The following ANO1 variants were observed in gnomAD, a reference collection of about 807,000 sequenced individuals.
The protein encoded by ANO1 is anoctamin-1.
A neutral mutation model predicts 124.0 loss-of-function variants in ANO1; 59 were observed. The observed-to-expected ratio is 0.48, with a 90% CI of 0.39 to 0.59. ANO1 has a LOEUF of 0.59. Ranked by LOEUF, ANO1 falls within the 20% of genes least tolerant of loss-of-function variation. The pLI is 0.00. For missense variants in ANO1, 1,059 were observed against 1,328.0 expected (o/e 0.80, Z 3.15); for synonymous variants, 529 against 532.0 (o/e 0.99, Z 0.08).
intron 1 of ANO1, among the ~76,000 whole-genome samples, chr11:70,046,439 C>G (rs1412617208): frequency 6.6e-6 from 1 of 152,094 alleles, no homozygotes; most frequent in East Asian, 1.9e-4. Context: ...CAAAACCTAC[C>G]AGGGCAAAAG....
At chr11:70,187,228 C>T (rs569118180) in intron 25 of ANO1, among the ~76,000 whole-genome samples, 83 of 152,362 alleles carry the variant, frequency 5.4e-4, no homozygotes, top group Admixed American at 1.3e-3. Context: ...CTCACACGTG[C>T]TTGCTGGACA....
chr11:70,071,091 G>T lies in ANO1; in HGVS notation c.59-7451G>T, dbSNP rs984595827. Among the ~76,000 whole-genome samples, 20 of 152,252 alleles carry T rather than the reference G, an allele frequency of 1.3e-4. No individual in the cohort carries two copies. In the South Asian group the frequency reaches 3.5e-3, roughly 27 times the overall value. ...ATCTCTTTCTGGTGTGAAATAGGGCGCTCTCTTGGCTTCTTCAGTTGAACA... is the reference window on the plus strand; with the variant it reads ...ATCTCTTTCTGGTGTGAAATAGGGCTCTCTCTTGGCTTCTTCAGTTGAACA... On this transcript the variant is annotated intron_variant, in intron 1 of 27. Transcript: ENST00000531349.
intron 7 of ANO1, 144 bp downstream of exon 7, chr11:70,111,906 C>G (rs1308062002): frequency 2.4e-6 from 2 of 832,766 alleles, no homozygotes; most frequent in African/African-American, 3.4e-5. Context: ...GTACACAGGC[C>G]TTCCCTGTTC....
At chr11:70,049,482 G>T (rs1555006054) in intron 1 of ANO1, among the ~76,000 whole-genome samples, 1 of 152,192 alleles carries the variant, frequency 6.6e-6, no homozygotes, top group African/African-American at 2.4e-5. Context: ...CACATAGCTG[G>T]CATGGAATAA....
chr11:70,176,778 A>C (rs2048718507), intron 22 of ANO1, among the ~76,000 whole-genome samples: 1 of 152,234 alleles, frequency 6.6e-6, no homozygotes, highest in East Asian at 1.9e-4. Flanking sequence ...ACCCCATTCA[A>C]ATGGTTCGGG....
chr11:70,135,671 G>A (rs1217772119), intron 11 of ANO1, among the ~76,000 whole-genome samples: 8 of 152,212 alleles, frequency 5.3e-5, no homozygotes, highest in East Asian at 1.9e-4. Flanking sequence ...AAAGAAGGAC[G>A]TGGTGTTTCA....
At chr11:69,994,670 A>C (rs1450516123) in intron 1 of ANO1, among the ~76,000 whole-genome samples, 1 of 152,218 alleles carries the variant, frequency 6.6e-6, no homozygotes, top group African/African-American at 2.4e-5. Context: ...AGTTCATTTT[A>C]TAACTGGTTT....
chr11:70,156,080 T>TA (rs2047805908), intron 15 of ANO1, 92 bp downstream of exon 15: 20 of 466,072 alleles, frequency 4.3e-5, no homozygotes, highest in Non-Finnish European at 5.0e-5. Flanking sequence ...GTTGTATATA[T>TA]TTTTTTTTAA....
intron 16 of ANO1, among the ~76,000 whole-genome samples, chr11:70,157,711 G>T (rs1377814660): frequency 6.6e-6 from 1 of 152,106 alleles, no homozygotes; most frequent in African/African-American, 2.4e-5. Context: ...CATTAAATGG[G>T]CCGGGTGCAG....
chr11:69,979,368 A>G, the ANO1 span, among the ~76,000 whole-genome samples: 1 of 152,234 alleles, frequency 6.6e-6, no homozygotes, highest in African/African-American at 2.4e-5. Flanking sequence ...GGAGTTGACT[A>G]GAAATCTCTA....
intron 11 of ANO1, among the ~76,000 whole-genome samples, chr11:70,145,423 G>A (rs2047331178): frequency 6.6e-6 from 1 of 152,186 alleles, no homozygotes; most frequent in African/African-American, 2.4e-5. Flanking sequence ...TTTTAAAGGA[G>A]AAGCAGGAAA....
chr11:70,023,602 GC>G (rs782695287), intron 1 of ANO1, among the ~76,000 whole-genome samples: 27 of 152,322 alleles, frequency 1.8e-4, no homozygotes, highest in Non-Finnish European at 2.5e-4. Flanking sequence ...AGGGAAGTTG[GC>G]TTTTGTTCTG....
chr11:70,060,761 C>T (rs1857554626), intron 1 of ANO1, among the ~76,000 whole-genome samples: 1 of 152,246 alleles, frequency 6.6e-6, no homozygotes, highest in Non-Finnish European at 1.5e-5. Flanking sequence ...TCAACTTGTT[C>T]TGATAGAAAG....
rs2045334020 is a variant in ANO1, at chr11:70,102,926, T to C, written c.442-140T>C. On this transcript the variant is annotated intron_variant, in intron 2 of 25. Transcript: ENST00000355303. ...ATTCTAGCTTTGCCTCAAAGTGTTG[T>C]CAACGTGGAATGAGGCCGCGGTAAA... 12 of 629,548 alleles carry C rather than the reference T, an allele frequency of 1.9e-5. No homozygotes were observed. In the South Asian group the frequency reaches 2.4e-4, roughly 13 times the overall value. 39.0% of individuals were successfully genotyped at this position (629,548 alleles called of 1,614,324 possible). A position where few individuals can be genotyped will look rare whatever the true frequency, so the allele number is the denominator to read the frequency against.
At position 70,153,131 on chromosome 11, in the gene ANO1, A is replaced by G. The variant is rs1245839931; in HGVS notation, c.1425+3A>G. 6.2e-6 allele frequency: 10 copies of G among 1,601,146 alleles called. No homozygotes were observed. The highest frequency in any genetic ancestry group is 4.5e-5 in the South Asian group (4 of 88,336). ...AGAAAGAGTCCAGAAACAAAGAGGTATGGTGGCCACTGTGGGTTAACTTTC... is the reference window on the plus strand; with the variant it reads ...AGAAAGAGTCCAGAAACAAAGAGGTGTGGTGGCCACTGTGGGTTAACTTTC... On this transcript the variant is annotated splice_donor_region_variant and intron_variant, in intron 14 of 25. Coordinates refer to ENST00000355303, the MANE Select transcript of ANO1 (RefSeq NM_018043.7).
At chr11:70,181,611 C>T (rs2135835825) in intron 23 of ANO1, among the ~76,000 whole-genome samples, 1 of 152,336 alleles carries the variant, frequency 6.6e-6, no homozygotes, top group East Asian at 1.9e-4. Flanking sequence ...GTGGGCATCT[C>T]CTGAGGACAA....
chr11:70,163,970 A>T (rs1359500731), intron 19 of ANO1, among the ~76,000 whole-genome samples: 1 of 149,032 alleles, frequency 6.7e-6, no homozygotes, highest in African/African-American at 2.5e-5. Flanking sequence ...ATTAATGAGG[A>T]CAAAACAGAA....
intron 1 of ANO1, among the ~76,000 whole-genome samples, chr11:70,010,152 TGTGTGTGTGTGTGCGC>T (rs1856565216): frequency 1.6e-5 from 1 of 63,064 alleles, no homozygotes; most frequent in Non-Finnish European, 3.3e-5. Flanking sequence ...TGTGTGTGTG[TGTGTGTGTGTGTGCGC>T]GTGTGTGTGT....
At chr11:70,004,274 A>T (rs1429280283) in intron 1 of ANO1, among the ~76,000 whole-genome samples, 1 of 134,996 alleles carries the variant, frequency 7.4e-6, no homozygotes, top group African/African-American at 2.6e-5. Context: ...GTAGTCCAGA[A>T]CACAGTTACA....
Sources: allele counts gnomAD v4.1 joint callset (sites outside exome capture counted in the v4.1 genomes callset), GRCh38; gene constraint gnomAD v4.1.1; transcripts MANE v1.5; gene names NCBI Gene and HGNC (gene_info 2026-07-23, HGNC 2026-07-21).